The following ELFN2 variants were observed in gnomAD, a reference collection of about 807,000 sequenced individuals.
The protein encoded by ELFN2 is protein phosphatase 1 regulatory subunit 29.
Under a neutral mutation model 45.5 loss-of-function variants are expected in ELFN2, and 17 were observed. The ratio of observed to expected loss-of-function variants is 0.37; its 90% CI spans 0.26 to 0.56. The LOEUF (loss-of-function observed/expected upper bound fraction) is 0.56. Among genes scored for constraint, ELFN2 ranks in the 20% least tolerant of loss-of-function variants. The pLI, the probability that ELFN2 is intolerant of heterozygous loss-of-function variation, is 0.77. For synonymous variants in ELFN2, 550 were observed against 551.5 expected (o/e 1.00, Z 0.04); for missense variants, 922 against 1,183.2 (o/e 0.78, Z 3.24).
chr22:37,393,993 C>T (rs988092102), intron 2 of ELFN2, among the ~76,000 whole-genome samples: 15 of 152,310 alleles, frequency 9.8e-5, no homozygotes, highest in South Asian at 4.2e-4. Flanking sequence ...GGCTCTGACC[C>T]GCCTGCCACC....
chr22:37,369,841 G>GC lies in ELFN2; in HGVS notation c.*3230dup, dbSNP rs969756090. On this transcript the variant is annotated 3_prime_UTR_variant, in exon 3 of 3. Coordinates refer to ENST00000402918, the MANE Select transcript of ELFN2 (RefSeq NM_052906.5). ...CCTCCATCTCCCCTCCCTCCCTGTG[G>GC]CCCCCCCTGCCCTCTTTTCCTGGTG... is the stretch of plus-strand genomic sequence containing the variant. The GC allele has an allele frequency of 2.6e-5, 4 of 152,916 alleles. No homozygotes were observed. Among genetic ancestry groups the GC allele is most frequent in the African/African-American group, 4.8e-5 (2 of 41,526 alleles). 9.5% of individuals were successfully genotyped at this position (152,916 alleles called of 1,614,324 possible).
chr22:37,392,231 T>G (rs1680273985), intron 2 of ELFN2, among the ~76,000 whole-genome samples: 1 of 152,140 alleles, frequency 6.6e-6, no homozygotes, highest in Non-Finnish European at 1.5e-5. Context: ...AGCCCACCCT[T>G]GTTAAGGGAT....
rs1931564067 is a variant in ELFN2 at position 37,375,819 on chromosome 22, A to G, written c.-285T>C. 1 of 480,912 alleles carries G rather than the reference A, an allele frequency of 2.1e-6. No homozygotes were observed. The highest frequency in any genetic ancestry group is 3.8e-6 in the Non-Finnish European group (1 of 265,630). 29.8% of individuals were successfully genotyped at this position (480,912 alleles called of 1,614,324 possible). A position where few individuals can be genotyped will look rare whatever the true frequency, so the allele number is the denominator to read the frequency against. ...CTGCTAGGAAGGTGCAAGGGTTCTCAGGGCTTGACTTCCTCTCCCTCCTCC... is the reference window on the plus strand; with the variant it reads ...CTGCTAGGAAGGTGCAAGGGTTCTCGGGGCTTGACTTCCTCTCCCTCCTCC... On this transcript the variant is annotated 5_prime_UTR_variant, in exon 3 of 3. Transcript: ENST00000402918.
intron 2 of ELFN2, among the ~76,000 whole-genome samples, chr22:37,397,155 C>G (rs190134496): frequency 6.6e-6 from 1 of 152,138 alleles, no homozygotes; most frequent in Admixed American, 6.5e-5. Flanking sequence ...TTCACCACTC[C>G]ACTCCACAGC....
intron 2 of ELFN2, among the ~76,000 whole-genome samples, chr22:37,379,917 T>A (rs938163419): frequency 1.3e-5 from 2 of 152,136 alleles, no homozygotes; most frequent in Admixed American, 6.5e-5. Context: ...CCTGGCTCAG[T>A]CCCACCCCTG....
downstream of ELFN2, among the ~76,000 whole-genome samples, chr22:37,364,471 C>A (rs1288692375): frequency 6.6e-6 from 1 of 152,164 alleles, no homozygotes; most frequent in Non-Finnish European, 1.5e-5. Flanking sequence ...GGGACAGGGG[C>A]CAGCTGGGGC....
chr22:37,409,867 T>C (rs889918714), intron 2 of ELFN2, among the ~76,000 whole-genome samples: 1 of 151,742 alleles, frequency 6.6e-6, no homozygotes, highest in Non-Finnish European at 1.5e-5. Context: ...GAACAGATGG[T>C]GTACGTGTGT....
Position 37,372,859 on chromosome 22 carries a change from T to A in ELFN2, c.*213A>T, listed in dbSNP as rs959030442. 1 of 574,754 alleles carries A rather than the reference T, an allele frequency of 1.7e-6. No individual in the cohort carries two copies. Among genetic ancestry groups the A allele is most frequent in the African/African-American group, 1.9e-5 (1 of 53,194 alleles). The allele number at this position is 574,754 out of a possible 1,614,324, so 35.6% of individuals were successfully genotyped here. ...GTTTGTAAACTTTAAGGAAAATGTG[T>A]CTCTGTTTTCCTGTCCGTTATTGTC... is the stretch of plus-strand genomic sequence containing the variant. On this transcript the variant is annotated 3_prime_UTR_variant, in exon 3 of 3. Transcript: ENST00000402918. This position sits in a 1 kb window ranked among gnomAD's most constrained non-coding sequence, Gnocchi z 4.4.
chr22:37,345,472 T>G (rs1569123807), intron 1 of ELFN2, among the ~76,000 whole-genome samples: 9 of 151,880 alleles, frequency 5.9e-5, no homozygotes, highest in Admixed American at 5.9e-4. Context: ...ACACAGTAGG[T>G]GCTCCACAGC....
At chr22:37,403,873 T>G (rs1210518700) in intron 2 of ELFN2, among the ~76,000 whole-genome samples, 1 of 152,200 alleles carries the variant, frequency 6.6e-6, no homozygotes, top group Non-Finnish European at 1.5e-5. Context: ...CAGCTTAGCC[T>G]TCTGAGTCTC....
At chr22:37,393,994 G>A (rs541189286) in intron 2 of ELFN2, among the ~76,000 whole-genome samples, 2 of 152,258 alleles carry the variant, frequency 1.3e-5, no homozygotes, top group South Asian at 2.1e-4. Flanking sequence ...GCTCTGACCC[G>A]CCTGCCACCT....
intron 2 of ELFN2, among the ~76,000 whole-genome samples, chr22:37,387,680 C>A (rs553555736): frequency 1.3e-5 from 2 of 152,228 alleles, no homozygotes; most frequent in African/African-American, 4.8e-5. Context: ...TGCTTTCCCG[C>A]GACCTCCCAG....
At chr22:37,382,050 C>A (rs1931798088) in intron 2 of ELFN2, among the ~76,000 whole-genome samples, 1 of 148,846 alleles carries the variant, frequency 6.7e-6, no homozygotes, top group Admixed American at 6.7e-5. Flanking sequence ...TGATGGGGCA[C>A]AAAATGTGCC....
intron 2 of ELFN2, chr22:37,342,481 G>C (rs770630773): frequency 6.6e-6 from 1 of 152,372 alleles, no homozygotes; most frequent in Admixed American, 6.5e-5. Context: ...AATGGGAGGA[G>C]TGGGGTGCAG....
intron 1 of ELFN2, among the ~76,000 whole-genome samples, chr22:37,350,118 C>T (rs975578343): frequency 6.6e-6 from 1 of 150,864 alleles, no homozygotes; most frequent in African/African-American, 2.4e-5. Flanking sequence ...ACGCCCTTGT[C>T]GGAGAAGGGA....
At chr22:37,425,018 G>C (rs1932837693) in intron 1 of ELFN2, among the ~76,000 whole-genome samples, 1 of 152,050 alleles carries the variant, frequency 6.6e-6, no homozygotes, top group South Asian at 2.1e-4. Context: ...TTACAGAGGA[G>C]AGACTGAGGC....
chr22:37,345,005 GC>G (rs1203566666), intron 1 of ELFN2, among the ~76,000 whole-genome samples: 1 of 152,138 alleles, frequency 6.6e-6, no homozygotes, highest in African/African-American at 2.4e-5. Flanking sequence ...CCAGGCACCT[GC>G]CCCTGAGGGG....
At chr22:37,396,533 C>T (rs1932216129) in intron 2 of ELFN2, among the ~76,000 whole-genome samples, 1 of 152,180 alleles carries the variant, frequency 6.6e-6, no homozygotes, top group Non-Finnish European at 1.5e-5. Flanking sequence ...GAGGTCAGAG[C>T]TGGCAGATCC....
intron 2 of ELFN2, among the ~76,000 whole-genome samples, chr22:37,383,261 G>A (rs947943578): frequency 6.6e-6 from 1 of 152,196 alleles, no homozygotes; most frequent in Non-Finnish European, 1.5e-5. Flanking sequence ...GAGTAAGGAG[G>A]CACCAGCGTC....
Sources: gnomAD v4.1 joint callset for allele counts (sites outside exome capture counted in the v4.1 genomes callset) on GRCh38, gnomAD v4.1.1 for gene constraint, Gnocchi (gnomAD v3.1) non-coding constraint, MANE v1.5 for transcripts, NCBI Gene and HGNC (gene_info 2026-07-23, HGNC 2026-07-21) for gene names.